The following SRRM4 variants were observed in gnomAD, a reference collection of about 807,000 sequenced individuals.
The protein encoded by SRRM4 is serine/arginine repetitive matrix 4.
Under a neutral mutation model 68.9 loss-of-function variants are expected in SRRM4, and 33 were observed. The observed-to-expected ratio is 0.48, with a 90% CI of 0.36 to 0.64. The LOEUF (loss-of-function observed/expected upper bound fraction) is 0.64, where lower values mean the gene tolerates loss of function less well. Ranked by LOEUF, SRRM4 falls within the 30% of genes least tolerant of loss-of-function variation. SRRM4 has a pLI of 0.00. For missense variants in SRRM4, 817 were observed against 827.1 expected (o/e 0.99, Z 0.15); for synonymous variants, 318 against 318.8 (o/e 1.00, Z 0.03).
At chr12:119,055,101 G>T (rs925408356) in intron 1 of SRRM4, among the ~76,000 whole-genome samples, 3 of 152,128 alleles carry the variant, frequency 2.0e-5, no homozygotes, top group Non-Finnish European at 4.4e-5. Flanking sequence ...AGAATCTGCT[G>T]CTCATCATAA....
At chr12:119,045,750 T>C (rs187912150) in intron 1 of SRRM4, among the ~76,000 whole-genome samples, 1 of 151,996 alleles carries the variant, frequency 6.6e-6, no homozygotes, top group Admixed American at 6.6e-5. Flanking sequence ...ATAAAGAAAA[T>C]AATTAGGCCA....
At chr12:119,024,658 A>C (rs1005165730) in intron 1 of SRRM4, among the ~76,000 whole-genome samples, 10 of 152,114 alleles carry the variant, frequency 6.6e-5, no homozygotes, top group Admixed American at 6.6e-4. Flanking sequence ...GTGCATTTAA[A>C]CTGAGCTTCC....
chr12:119,097,069 G>T (rs1309078768), intron 1 of SRRM4, among the ~76,000 whole-genome samples: 1 of 152,182 alleles, frequency 6.6e-6, no homozygotes, highest in African/African-American at 2.4e-5. Context: ...GAAGTGGAGT[G>T]TGCCGGCCCT....
At chr12:119,136,589 C>T (rs1239645547) in intron 8 of SRRM4, among the ~76,000 whole-genome samples, 3 of 152,020 alleles carry the variant, frequency 2.0e-5, no homozygotes, top group African/African-American at 7.3e-5. Context: ...GAGATTTTAC[C>T]ATCAGAAGAA....
At chr12:118,983,289 G>A (rs1953261831) in intron 1 of SRRM4, among the ~76,000 whole-genome samples, 2 of 152,196 alleles carry the variant, frequency 1.3e-5, no homozygotes, top group Admixed American at 1.3e-4. Context: ...ATTTAGGAAT[G>A]GGTGGCCAAG....
chr12:119,144,130 CG>C (rs748419840), intron 8 of SRRM4, among the ~76,000 whole-genome samples: 9 of 152,150 alleles, frequency 5.9e-5, no homozygotes, highest in Non-Finnish European at 1.3e-4. Context: ...ACAGGGTTCT[CG>C]GGGCCCCTCT....
At chr12:119,096,378 T>C (rs1316389590) in intron 1 of SRRM4, among the ~76,000 whole-genome samples, 1 of 152,078 alleles carries the variant, frequency 6.6e-6, no homozygotes, top group East Asian at 1.9e-4. Context: ...CTGATGTTCT[T>C]GCCAGTTAAT....
intron 1 of SRRM4, among the ~76,000 whole-genome samples, chr12:119,040,011 G>A (rs1953655969): frequency 6.6e-6 from 1 of 152,114 alleles, no homozygotes; most frequent in African/African-American, 2.4e-5. Context: ...GTGAATATGG[G>A]GAGGGCAGAA....
In SRRM4 at chr12:118,993,970, T is replaced by G. The variant is rs912314114; in HGVS notation, c.131+11957T>G. 7 of 152,264 alleles carry G rather than the reference T, an allele frequency of 4.6e-5. 1 individual carries two copies. The highest frequency in any genetic ancestry group is 4.6e-4 in the Admixed American group (7 of 15,292). 9.4% of individuals were successfully genotyped at this position (152,264 alleles called of 1,614,324 possible). A position where few individuals can be genotyped will look rare whatever the true frequency, so the allele number is the denominator to read the frequency against. On this transcript the variant is annotated intron_variant, in intron 1 of 12. Transcript: ENST00000267260. ...GGAAGTGCGCTATGCCAATGGGTTG[T>G]CTGCACTAAGTTGGGCATCAATATG...
chr12:118,985,109 C>T (rs1953273738), intron 1 of SRRM4, among the ~76,000 whole-genome samples: 2 of 152,174 alleles, frequency 1.3e-5, no homozygotes, highest in Admixed American at 6.5e-5. Context: ...GTTCTCCATG[C>T]CTACCCATTT....
chr12:119,043,726 G>A (rs376559261), intron 1 of SRRM4, among the ~76,000 whole-genome samples: 37 of 149,202 alleles, frequency 2.5e-4, no homozygotes, highest in East Asian at 1.6e-3. Flanking sequence ...AGAAAAGGGC[G>A]TAGGGGAACA....
Position 119,130,973 on chromosome 12 carries a change from T to C in SRRM4, c.771+139T>C, listed in dbSNP as rs911688683. The C allele has an allele frequency of 2.2e-5, 21 of 945,964 alleles. No homozygotes were observed. The African/African-American group carries it at 3.0e-4, about 14-fold the overall frequency. The allele number at this position is 945,964 out of a possible 1,614,324, so 58.6% of individuals were successfully genotyped here. On this transcript the variant is annotated intron_variant, in intron 8 of 12. Transcript: ENST00000267260. ...TCCCACTGGCTCCAGACCTCATTAA[T>C]GATGAACCAAATGATCATTCACCAG...
chr12:119,160,372 A>C lies in SRRM4; in HGVS notation c.*3574A>C, dbSNP rs546307677. 6.6e-6 allele frequency: 1 copy of C among 152,010 alleles called. No homozygotes were observed. The highest frequency in any genetic ancestry group is 2.1e-4 in the South Asian group (1 of 4,800). 9.4% of individuals were successfully genotyped at this position (152,010 alleles called of 1,614,324 possible). On this transcript the variant is annotated 3_prime_UTR_variant, in exon 13 of 13. Transcript: ENST00000267260. ...ACATTTCCTTTTTTTCTATCCAAAA[A>C]CAATGTGCTTGTTGAGGCACTGGTA... is the stretch of plus-strand genomic sequence containing the variant.
rs114300435 is a variant in SRRM4, at chr12:119,060,343, T to C, written c.132-41893T>C. ...CATGGATCCAAAGTGGAAATGTCTA[T>C]TGATATGCCACTCCTATCCCACACT... On this transcript the variant is annotated intron_variant, in intron 1 of 12. Transcript: ENST00000267260. Among the ~76,000 whole-genome samples, 549 of 150,818 alleles carry C rather than the reference T, an allele frequency of 3.6e-3. 13 individuals are homozygous for C. Among genetic ancestry groups the C allele is most frequent in the African/African-American group, 0.012 (514 of 41,146 alleles).
At chr12:119,086,465 G>C (rs1010431572) in intron 1 of SRRM4, among the ~76,000 whole-genome samples, 4 of 152,138 alleles carry the variant, frequency 2.6e-5, no homozygotes, top group African/African-American at 9.7e-5. Context: ...TAGGTAACTG[G>C]TGGAACCAAG....
intron 1 of SRRM4, among the ~76,000 whole-genome samples, chr12:119,053,105 T>A (rs1953755262): frequency 6.6e-6 from 1 of 152,198 alleles, no homozygotes; most frequent in Non-Finnish European, 1.5e-5. Context: ...TTTTAACACC[T>A]CTCAACACTT....
chr12:119,129,848 A>G (rs543246702), intron 7 of SRRM4, among the ~76,000 whole-genome samples: 29 of 151,536 alleles, frequency 1.9e-4, no homozygotes, highest in African/African-American at 7.0e-4. Context: ...TAGATGGATG[A>G]ATGGATGAAT....
chr12:118,987,339 G>T (rs552545723), intron 1 of SRRM4, among the ~76,000 whole-genome samples: 82 of 152,258 alleles, frequency 5.4e-4, no homozygotes, highest in Non-Finnish European at 8.7e-4. Context: ...CAGAGAGGGG[G>T]GATGCTAAAG....
chr12:119,023,535 T>A (rs970741810), intron 1 of SRRM4, among the ~76,000 whole-genome samples: 15 of 152,192 alleles, frequency 9.9e-5, no homozygotes, highest in Non-Finnish European at 1.5e-4. Flanking sequence ...AGTTGTGTCC[T>A]AGGCAAGCAG....
Sources: gnomAD v4.1 joint callset for allele counts (sites outside exome capture counted in the v4.1 genomes callset) on GRCh38, gnomAD v4.1.1 for gene constraint, MANE v1.5 for transcripts, NCBI Gene and HGNC (gene_info 2026-07-23, HGNC 2026-07-21) for gene names.